SRP19: variants seen among roughly 807,000 people sequenced by gnomAD.
SRP19 encodes the protein signal recognition particle 19 kDa protein.
SRP19 carries 11 observed loss-of-function variants against 22.4 expected under a neutral mutation model. The ratio of observed to expected loss-of-function variants is 0.49; its 90% CI spans 0.31 to 0.81. SRP19 has a LOEUF of 0.81. Ranked by LOEUF, SRP19 falls within the 40% of genes least tolerant of loss-of-function variation. The pLI is 0.05. For missense variants in SRP19, 168 were observed against 175.9 expected (o/e 0.96, Z 0.25); for synonymous variants, 61 against 57.6 (o/e 1.06, Z -0.27).
At chr5:112,872,322 CTTTTTTTTTTTT>C (rs759571945), downstream of SRP19, among the ~76,000 whole-genome samples, 4 of 92,692 alleles carry the variant, frequency 4.3e-5, no homozygotes, top group South Asian at 8.6e-4. Flanking sequence ...CCAAATGATT[CTTTTTTTTTTTT>C]TTTTTTTTTT....
At chr5:112,890,049 A>C (rs936865756) in intron 4 of SRP19, among the ~76,000 whole-genome samples, 1 of 149,330 alleles carries the variant, frequency 6.7e-6, no homozygotes, top group Non-Finnish European at 1.5e-5. Flanking sequence ...CTGGTCTTGA[A>C]CTCCTGACCT....
intron 1 of SRP19, 66 bp from the exon 2 acceptor site, chr5:112,862,442 C>A: frequency 6.9e-7 from 1 of 1,441,964 alleles, no homozygotes. Context: ...GGTTCCCTGC[C>A]ACCCGACCCT....
At chr5:112,887,067 G>C in intron 4 of SRP19, 8 of 1,613,550 alleles carry the variant, frequency 5.0e-6, no homozygotes, top group South Asian at 1.1e-5. Flanking sequence ...TAAGGTCCTT[G>C]ACCACACTGT....
At chr5:112,897,255 C>T (rs948746494), downstream of SRP19, 1 of 151,792 alleles carries the variant, frequency 6.6e-6, no homozygotes, top group African/African-American at 2.4e-5. Flanking sequence ...TTTATATACA[C>T]AGACCAATAT....
chr5:112,862,103 A>G (rs1048149125), intron 1 of SRP19, among the ~76,000 whole-genome samples: 1 of 152,266 alleles, frequency 6.6e-6, no homozygotes, highest in Non-Finnish European at 1.5e-5. Flanking sequence ...TGAACAAAAC[A>G]CACAAAGCAA....
At chr5:112,887,264 C>A in intron 4 of SRP19, 1 of 1,289,578 alleles carries the variant, frequency 7.8e-7, no homozygotes, top group Non-Finnish European at 1.0e-6. Flanking sequence ...TTTCACTACT[C>A]TGGGGATGGG....
downstream of SRP19, among the ~76,000 whole-genome samples, chr5:112,872,620 C>T (rs772027937): frequency 1.3e-5 from 2 of 152,132 alleles, no homozygotes; most frequent in Non-Finnish European, 2.9e-5. Flanking sequence ...AGCCATTGTG[C>T]CCGGCCTCAT....
chr5:112,873,365 T>A (rs1485186478), downstream of SRP19, among the ~76,000 whole-genome samples: 1 of 145,078 alleles, frequency 6.9e-6, no homozygotes, highest in African/African-American at 2.6e-5. Flanking sequence ...TTTTTTTTTT[T>A]AGATGGTGTT....
At chr5:112,865,605 ATT>A (rs764675780) in intron 4 of SRP19, among the ~76,000 whole-genome samples, 1 of 145,008 alleles carries the variant, frequency 6.9e-6, no homozygotes, top group Admixed American at 6.9e-5. Context: ...AGCTTGTTTG[ATT>A]TTTTTTTTTT....
chr5:112,887,489 T>G (rs976034242), intron 4 of SRP19, among the ~76,000 whole-genome samples: 3 of 152,176 alleles, frequency 2.0e-5, no homozygotes, highest in Non-Finnish European at 4.4e-5. Context: ...CTTTTATTAA[T>G]CATAACTCTT....
intron 4 of SRP19, among the ~76,000 whole-genome samples, chr5:112,889,827 A>C (rs1302160432): frequency 7.6e-6 from 1 of 131,676 alleles, no homozygotes; most frequent in Admixed American, 7.4e-5. Flanking sequence ...AGGAAAAAAA[A>C]AATTTTTTTT....
chr5:112,892,120 C>T lies in SRP19; in HGVS notation c.*513C>T, dbSNP rs1485728843. On this transcript the variant is annotated 3_prime_UTR_variant, in exon 5 of 5. Transcript: ENST00000391338. ...AGAAAATAGTACCACATGGCAAAACCCAGAACCACCCGTGGATTTCAGAGT... is the reference window on the plus strand; with the variant it reads ...AGAAAATAGTACCACATGGCAAAACTCAGAACCACCCGTGGATTTCAGAGT... 11 of 1,613,988 alleles carry T rather than the reference C, an allele frequency of 6.8e-6. No homozygotes were observed. The African/African-American group carries it at 1.5e-4, about 22-fold the overall frequency.
At chr5:112,893,152 G>A, downstream of SRP19, 1 of 708,114 alleles carries the variant, frequency 1.4e-6, no homozygotes, top group Non-Finnish European at 2.2e-6. Flanking sequence ...GCTCACACCT[G>A]TAATCCCAGC....
At chr5:112,863,993 T>A (rs1767500925) in intron 2 of SRP19, among the ~76,000 whole-genome samples, 1 of 152,234 alleles carries the variant, frequency 6.6e-6, no homozygotes, top group Non-Finnish European at 1.5e-5. Context: ...AGTTTGAGGC[T>A]ATTATAAATA....
intron 4 of SRP19, among the ~76,000 whole-genome samples, chr5:112,876,210 A>T (rs1161146085): frequency 6.6e-6 from 1 of 152,142 alleles, no homozygotes; most frequent in Non-Finnish European, 1.5e-5. Context: ...TTTCTTTAGG[A>T]CAAGTCTTTT....
chr5:112,878,894 G>A (rs1192913942), intron 4 of SRP19: 1 of 1,612,908 alleles, frequency 6.2e-7, no homozygotes, highest in Non-Finnish European at 8.5e-7. Flanking sequence ...TGGAATGCAA[G>A]CTTGCAAGCT....
intron 4 of SRP19, among the ~76,000 whole-genome samples, chr5:112,875,542 AT>A (rs1327875100): frequency 6.6e-6 from 1 of 151,660 alleles, no homozygotes; most frequent in Non-Finnish European, 1.5e-5. Context: ...ATTTTTTGGT[AT>A]TTTTTGTAGA....
chr5:112,897,158 T>C (rs1327774933), downstream of SRP19: 1 of 152,164 alleles, frequency 6.6e-6, no homozygotes, highest in African/African-American at 2.4e-5. Context: ...CACAGAATTA[T>C]ATATCATATG....
At chr5:112,862,370 GA>G in intron 1 of SRP19, 137 bp from the exon 2 acceptor site, 3 of 705,888 alleles carry the variant, frequency 4.2e-6, no homozygotes, top group Non-Finnish European at 4.8e-6. Context: ...CTGCCACGCA[GA>G]AAAAGGAGGG....
Sources: gnomAD v4.1 joint callset for allele counts (sites outside exome capture counted in the v4.1 genomes callset) on GRCh38, gnomAD v4.1.1 for gene constraint, MANE v1.5 for transcripts, NCBI Gene and HGNC (gene_info 2026-07-23, HGNC 2026-07-21) for gene names.